RAD50: variants seen among roughly 807,000 people sequenced by gnomAD.
The protein encoded by RAD50 is RAD50 double strand break repair protein, also known as DNA repair protein RAD50.
RAD50 carries 132 observed loss-of-function variants against 168.8 expected under a neutral mutation model. The ratio of observed to expected loss-of-function variants is 0.78; its 90% confidence interval spans 0.68 to 0.90. The LOEUF (loss-of-function observed/expected upper bound fraction) is 0.90, where lower values mean the gene tolerates loss of function less well. Among genes scored for constraint, RAD50 ranks in the 40% least tolerant of loss-of-function variants. The pLI, the probability that RAD50 is intolerant of heterozygous loss-of-function variation, is 0.00. For missense variants in RAD50, 1,347 were observed against 1,534.4 expected, an observed-to-expected ratio of 0.88 and a Z score of 2.04; for synonymous variants, 525 against 497.4, an observed-to-expected ratio of 1.06 and a Z score of -0.74.
At chr5:132,615,095 A>T (rs1259337519) in intron 19 of RAD50, among the ~76,000 whole-genome samples, 1 of 152,168 alleles carries the variant, frequency 6.6e-6, no homozygotes, top group Non-Finnish European at 1.5e-5. Context: ...TTTTCTATAC[A>T]CATGATTTGT....
rs1157731211 is a variant in RAD50 at position 132,644,154 on chromosome 5, A to T, written c.*1790A>T. 5.4e-6 allele frequency: 1 copy of T among 183,626 alleles called. No homozygotes were observed. The highest frequency in any genetic ancestry group is 2.3e-5 in the African/African-American group (1 of 42,612). The allele number at this position is 183,626 out of a possible 1,614,324, so 11.4% of individuals were successfully genotyped here. On this transcript the variant is annotated 3_prime_UTR_variant, in exon 25 of 25. Transcript: ENST00000378823. ...ACACGATCAATATAGGCAGTGAAAC[A>T]AAAGTATCATTTGCAAGTTAAAACA...
chr5:132,591,482 C>T (rs1341201153), intron 10 of RAD50, 76 bp downstream of exon 10: 2 of 1,394,126 alleles, frequency 1.4e-6, no homozygotes, highest in Admixed American at 1.8e-5. Context: ...AAGTCATAGA[C>T]TATAAGGTAT....
At chr5:132,641,367 A>G (rs1751716756) in intron 24 of RAD50, among the ~76,000 whole-genome samples, 1 of 152,164 alleles carries the variant, frequency 6.6e-6, no homozygotes, top group African/African-American at 2.4e-5. Flanking sequence ...CATAAGGACT[A>G]TGCTGGCAGA....
chr5:132,568,344 A>T (rs563337433), intron 2 of RAD50, among the ~76,000 whole-genome samples: 2 of 152,044 alleles, frequency 1.3e-5, no homozygotes, highest in South Asian at 4.2e-4. Flanking sequence ...CGGCCTCCCA[A>T]AGTGCTGGGA....
chr5:132,578,686 C>T (rs536806993), intron 3 of RAD50, among the ~76,000 whole-genome samples: 9 of 151,902 alleles, frequency 5.9e-5, no homozygotes, highest in African/African-American at 1.9e-4. Context: ...ACCACCACAC[C>T]TGGCTAATTT....
chr5:132,560,068 A>ACG (rs1416854889), intron 2 of RAD50, among the ~76,000 whole-genome samples: 1 of 150,288 alleles, frequency 6.7e-6, no homozygotes, highest in Non-Finnish European at 1.5e-5. Flanking sequence ...ACACACACAC[A>ACG]CACACACACA....
At chr5:132,599,790 A>G (rs1409273270) in intron 13 of RAD50, among the ~76,000 whole-genome samples, 1 of 152,104 alleles carries the variant, frequency 6.6e-6, no homozygotes, top group Non-Finnish European at 1.5e-5. Flanking sequence ...GTTGACTTCA[A>G]ATTCCAACTC....
At chr5:132,612,773 A>C (rs938253823) in intron 19 of RAD50, among the ~76,000 whole-genome samples, 2 of 152,102 alleles carry the variant, frequency 1.3e-5, no homozygotes, top group African/African-American at 2.4e-5. Context: ...GGCTGCAGTG[A>C]GCCCTTACTA....
rs1157175861 is a variant in RAD50 at position 132,645,199 on chromosome 5, A to G, written c.*2835A>G. ...CAATTTTCCTGTGGTCCTCAACCCC[A>G]GCAATTCTTTGACCCCACTGAGATT... On this transcript the variant is annotated 3_prime_UTR_variant, in exon 25 of 25. Coordinates refer to ENST00000378823, the MANE Select transcript of RAD50 (RefSeq NM_005732.4). 4 of 152,212 alleles carry G rather than the reference A, an allele frequency of 2.6e-5. No homozygotes were observed. Among genetic ancestry groups the G allele is most frequent in the Non-Finnish European group, 1.5e-5 (1 of 68,066 alleles). The allele number at this position is 152,212 out of a possible 1,614,324, so 9.4% of individuals were successfully genotyped here. A position where few individuals can be genotyped will look rare whatever the true frequency, so the allele number is the denominator to read the frequency against.
chr5:132,560,081 T>C (rs976320359), intron 2 of RAD50, among the ~76,000 whole-genome samples: 13 of 134,110 alleles, frequency 9.7e-5, no homozygotes, highest in African/African-American at 3.5e-4. Flanking sequence ...CACACACATA[T>C]ATATATAGTT....
chr5:132,603,574 G>A, intron 14 of RAD50, 85 bp downstream of exon 14: 2 of 1,384,012 alleles, frequency 1.4e-6, no homozygotes, highest in Non-Finnish European at 2.0e-6. Flanking sequence ...ATAGTAGCTA[G>A]TATTCAGGTA....
intron 14 of RAD50, 60 bp downstream of exon 14, chr5:132,603,549 G>C: frequency 6.5e-7 from 1 of 1,533,364 alleles, no homozygotes; most frequent in East Asian, 2.3e-5. Flanking sequence ...TGAATTTGAA[G>C]TGTGAGAGTT....
chr5:132,600,143 T>TA (rs1290839351), intron 13 of RAD50: 4 of 152,174 alleles, frequency 2.6e-5, no homozygotes, highest in Non-Finnish European at 5.9e-5. Flanking sequence ...GTGCAGGTAA[T>TA]ACAGCAGTAA....
intron 21 of RAD50, among the ~76,000 whole-genome samples, chr5:132,629,739 G>A (rs184218289): frequency 9.2e-5 from 14 of 152,194 alleles, no homozygotes; most frequent in Admixed American, 1.3e-4. Context: ...TAATTGTTGC[G>A]TTCAGCTGTC....
At chr5:132,561,616 A>G in intron 2 of RAD50, among the ~76,000 whole-genome samples, 1 of 152,214 alleles carries the variant, frequency 6.6e-6, no homozygotes, top group East Asian at 1.9e-4. Flanking sequence ...TGTGCTGGTA[A>G]CTACCACATT....
chr5:132,585,827 C>G (rs1238775733), intron 5 of RAD50, among the ~76,000 whole-genome samples: 1 of 152,040 alleles, frequency 6.6e-6, no homozygotes, highest in Non-Finnish European at 1.5e-5. Context: ...CTTCTGGGCT[C>G]AAGCAATCAG....
intron 21 of RAD50, 40 bp from the exon 22 acceptor site, chr5:132,637,075 T>C: frequency 6.7e-7 from 1 of 1,499,924 alleles, no homozygotes; most frequent in South Asian, 1.3e-5. Flanking sequence ...CACATAATTA[T>C]TTTTTATATA....
chr5:132,628,955 A>G (rs558368008), intron 21 of RAD50, among the ~76,000 whole-genome samples: 1 of 152,196 alleles, frequency 6.6e-6, no homozygotes, highest in African/African-American at 2.4e-5. Context: ...AGAGTGGACC[A>G]GGGACCAAGT....
intron 12 of RAD50, chr5:132,595,246 G>T: frequency 1.6e-6 from 1 of 620,468 alleles, no homozygotes; most frequent in Non-Finnish European, 2.8e-6. Context: ...TATAAAATGA[G>T]GACACAACTA....
Sources: gnomAD v4.1 joint callset for allele counts (sites outside exome capture counted in the v4.1 genomes callset) on GRCh38, gnomAD v4.1.1 for gene constraint, MANE v1.5 for transcripts, NCBI Gene and HGNC (gene_info 2026-07-23, HGNC 2026-07-21) for gene names.